The following COL5A1 variants were observed in gnomAD, a reference collection of about 807,000 sequenced individuals.
The protein encoded by COL5A1 is collagen alpha-1(V) chain.
Under a neutral mutation model 263.7 loss-of-function variants are expected in COL5A1, and 16 were observed. The ratio of observed to expected loss-of-function variants is 0.06; its 90% CI spans 0.04 to 0.09. COL5A1 has a LOEUF of 0.09. Among genes scored for constraint, COL5A1 ranks in the 10% least tolerant of loss-of-function variants. The pLI, the probability that COL5A1 is intolerant of heterozygous loss-of-function variation, is 1.00. For synonymous variants in COL5A1, 1,012 were observed against 1,004.5 expected, an observed-to-expected ratio of 1.01 and a Z score of -0.14; for missense variants, 2,036 against 2,540.5, an observed-to-expected ratio of 0.80 and a Z score of 4.27.
At chr9:134,709,385 T>A (rs1327194212) in intron 4 of COL5A1, among the ~76,000 whole-genome samples, 1 of 152,238 alleles carries the variant, frequency 6.6e-6, no homozygotes, top group Admixed American at 6.5e-5. Flanking sequence ...AGTAGGCAGC[T>A]GCCTGGCTGG....
intron 16 of COL5A1, among the ~76,000 whole-genome samples, chr9:134,756,135 A>G (rs933450021): frequency 6.6e-6 from 1 of 152,114 alleles, no homozygotes; most frequent in African/African-American, 2.4e-5. Flanking sequence ...CGGAAGGTCT[A>G]GGTCCCCTCT....
In COL5A1 at chr9:134,677,750, G is replaced by A. The variant is rs936254857; in HGVS notation, c.110-13162G>A. Among the ~76,000 whole-genome samples the A allele has an allele frequency of 1.3e-5, 2 of 152,108 alleles. No individual in the cohort carries two copies. The highest frequency in any genetic ancestry group is 1.3e-4 in the Admixed American group (2 of 15,278). On this transcript the variant is annotated intron_variant, in intron 1 of 65. Coordinates refer to ENST00000371817, the MANE Select transcript of COL5A1 (RefSeq NM_000093.5). The surrounding 1 kb of genome is among the most constrained non-coding windows in gnomAD (Gnocchi z 4.4). ...CCCTGTTCCTCCTTCATCTCTTCAC[G>A]TGTCTGTGTGTCTGTCCTTGAGTGA...
At chr9:134,783,591 C>T (rs1470044844) in intron 29 of COL5A1, among the ~76,000 whole-genome samples, 1 of 152,168 alleles carries the variant, frequency 6.6e-6, no homozygotes. Context: ...CCGGGACGGA[C>T]ATCTGTCGGC....
chr9:134,759,300 CCA>C (rs1307867365), intron 18 of COL5A1, among the ~76,000 whole-genome samples: 5 of 148,904 alleles, frequency 3.4e-5, no homozygotes, highest in South Asian at 4.3e-4. Flanking sequence ...GCATACACAC[CCA>C]CACACCCCCA....
rs377563294 is a variant in COL5A1, at chr9:134,842,200, C to G, written c.5414C>G (p.Pro1805Arg). The G allele has an allele frequency of 5.6e-6, 9 of 1,614,086 alleles. No individual in the cohort carries two copies. Among genetic ancestry groups the G allele is most frequent in the Non-Finnish European group, 1.7e-6 (2 of 1,180,038 alleles). The change falls in exon 66 of 66, where the codon CCC becomes CGC. Residue 1805 changes from proline (P) to arginine (R), a missense_variant. Pro to Arg is a moderately radical substitution (Grantham distance 103). Around this residue, in one of 3 missense-constraint regions of COL5A1, gnomAD observed 358 missense variants for 384.6 expected, o/e 0.93. Transcript: ENST00000371817. This position sits in a 1 kb window ranked among gnomAD's most constrained non-coding sequence, Gnocchi z 5.8. ...AAGACGGTTCTGGAGATCGACACCC[C>G]CAAAGTGGAGCAGGTGCCCATCGTG... The part of the protein sequence containing the change: ...YQKTVLEIDT[P>R]KVEQVPIVDI...
At chr9:134,759,617 TATG>T in intron 18 of COL5A1, among the ~76,000 whole-genome samples, 1 of 59,712 alleles carries the variant, frequency 1.7e-5, no homozygotes, top group African/African-American at 7.6e-5. Flanking sequence ...CCCACACACA[TATG>T]CACACATACA....
At chr9:134,820,902 C>T (rs1315499751) in intron 58 of COL5A1, among the ~76,000 whole-genome samples, 1 of 152,160 alleles carries the variant, frequency 6.6e-6, no homozygotes, top group Non-Finnish European at 1.5e-5. Flanking sequence ...GACGGACACA[C>T]ACACGCACAG....
rs760496511 is a variant in COL5A1 at position 134,843,982 on chromosome 9, G to T, written c.*1679G>T. On this transcript the variant is annotated 3_prime_UTR_variant, in exon 66 of 66. Coordinates refer to ENST00000371817, the MANE Select transcript of COL5A1 (RefSeq NM_000093.5). ...CTGCCGTCTGTGGGCAGGAGGACCC[G>T]AGGGGCAGCCAGGAAAGGCGATCTC... 4 of 152,286 alleles carry T rather than the reference G, an allele frequency of 2.6e-5. No individual in the cohort carries two copies. The highest frequency in any genetic ancestry group is 5.9e-5 in the Non-Finnish European group (4 of 68,046). The allele number at this position is 152,286 out of a possible 1,614,324, so 9.4% of individuals were successfully genotyped here.
intron 29 of COL5A1, among the ~76,000 whole-genome samples, chr9:134,782,988 G>A (rs1837318429): frequency 6.6e-6 from 1 of 152,190 alleles, no homozygotes; most frequent in Non-Finnish European, 1.5e-5. Context: ...TCCCACACAG[G>A]GGGTCAGTGG....
At chr9:134,702,719 C>G (rs1221981079) in intron 4 of COL5A1, among the ~76,000 whole-genome samples, 1 of 152,268 alleles carries the variant, frequency 6.6e-6, no homozygotes, top group Non-Finnish European at 1.5e-5. Context: ...CGTAGTGTCA[C>G]TGTGAACTGG....
rs563303224 is a variant in COL5A1, at chr9:134,709,011, G to T, written c.654+7678G>T. On this transcript the variant is annotated intron_variant, in intron 4 of 65. Coordinates refer to ENST00000371817, the MANE Select transcript of COL5A1 (RefSeq NM_000093.5). ...TGTGTGACCCACAAGGACATTTGTC[G>T]TTGGATTTAGGGCCCATCCTAATCT... is the stretch of plus-strand genomic sequence containing the variant. 6.6e-6 allele frequency: 3 copies of T among 453,752 alleles called. No homozygotes were observed. In the East Asian group the frequency reaches 2.1e-4, roughly 32 times the overall value. The allele number at this position is 453,752 out of a possible 1,614,324, so 28.1% of individuals were successfully genotyped here.
At chr9:134,715,404 TGCCTTCCTCTTATCTCAACTGCAAAGAG>T (rs1183787402) in intron 4 of COL5A1, among the ~76,000 whole-genome samples, 1 of 152,180 alleles carries the variant, frequency 6.6e-6, no homozygotes, top group Non-Finnish European at 1.5e-5. Flanking sequence ...AGGAGACAGA[TGCCTTCCTCTTATCTCAACTGCAAAGAG>T]GCCTTCCTCT....
chr9:134,740,805 G>A (rs529180377), intron 11 of COL5A1, among the ~76,000 whole-genome samples: 1 of 152,208 alleles, frequency 6.6e-6, no homozygotes, highest in Non-Finnish European at 1.5e-5. Flanking sequence ...CCGTGGAGGA[G>A]CCAAGGGCCC....
chr9:134,669,725 C>T (rs1026322637), intron 1 of COL5A1, among the ~76,000 whole-genome samples: 6 of 152,104 alleles, frequency 3.9e-5, no homozygotes, highest in Non-Finnish European at 5.9e-5. Context: ...CCTACCACGC[C>T]GGAGGAAGTG....
rs536012972 is a variant in COL5A1, at chr9:134,804,046, G to C, written c.3115-929G>C. On this transcript the variant is annotated intron_variant, in intron 39 of 65. Coordinates refer to ENST00000371817, the MANE Select transcript of COL5A1 (RefSeq NM_000093.5). The stretch of plus-strand genomic sequence containing the variant: ...CCTTCCCTTTCAGCTCTTCAATAAG[G>C]AATGCAACAAAGGCAAGCTCTCCAG... 3.3e-5 allele frequency among the ~76,000 whole-genome samples: 5 copies of C among 152,080 alleles called. No homozygotes were observed. The South Asian group carries it at 1.0e-3, about 32-fold the overall frequency.
At chr9:134,772,228 G>A (rs1179886136) in intron 25 of COL5A1, among the ~76,000 whole-genome samples, 2 of 152,194 alleles carry the variant, frequency 1.3e-5, no homozygotes, top group Admixed American at 1.3e-4. Flanking sequence ...CCTCCACCCC[G>A]CACCAACCTT....
chr9:134,649,708 A>T, intron 1 of COL5A1: 1 of 350,194 alleles, frequency 2.9e-6, no homozygotes, highest in Non-Finnish European at 5.5e-6. Flanking sequence ...ATTATAAATC[A>T]TCCTACTATA....
chr9:134,738,373 G>A (rs1835178815), intron 9 of COL5A1, 101 bp from the exon 10 acceptor site: 1 of 1,332,636 alleles, frequency 7.5e-7, no homozygotes, highest in African/African-American at 1.4e-5. Context: ...GCTGAGCCAG[G>A]GCCTCTTGTG....
At chr9:134,748,018 C>T (rs1395855980) in intron 11 of COL5A1, among the ~76,000 whole-genome samples, 2 of 150,928 alleles carry the variant, frequency 1.3e-5, no homozygotes, top group East Asian at 1.9e-4. Context: ...CATTCACACA[C>T]ATGCATTCAT....
Sources: allele counts gnomAD v4.1 joint callset (sites outside exome capture counted in the v4.1 genomes callset), GRCh38; gene constraint gnomAD v4.1.1; regional missense constraint gnomAD v4.1.1; non-coding constraint Gnocchi (gnomAD v3.1); transcripts MANE v1.5; gene names NCBI Gene and HGNC (gene_info 2026-07-23, HGNC 2026-07-21).